FAT3: variants seen among roughly 807,000 people sequenced by gnomAD.
FAT3 encodes protocadherin Fat 3.
A neutral mutation model predicts 310.2 loss-of-function variants in FAT3; 95 were observed. The ratio of observed to expected loss-of-function variants is 0.31; its 90% CI spans 0.26 to 0.36. The LOEUF (loss-of-function observed/expected upper bound fraction) is 0.36. FAT3 is among the 10% of genes least tolerant of loss of function. The pLI is 1.00. For missense variants in FAT3, 5,408 were observed against 5,715.6 expected, an observed-to-expected ratio of 0.95 and a Z score of 1.74; for synonymous variants, 2,314 against 2,192.9, an observed-to-expected ratio of 1.06 and a Z score of -1.54.
intron 2 of FAT3, among the ~76,000 whole-genome samples, chr11:92,417,859 T>G (rs893999393): frequency 6.6e-6 from 1 of 152,208 alleles, no homozygotes; most frequent in African/African-American, 2.4e-5. Context: ...CTCCAAGTGA[T>G]GGTTGTCCTT....
At chr11:92,291,712 A>G (rs1688157437) in intron 1 of FAT3, among the ~76,000 whole-genome samples, 1 of 152,150 alleles carries the variant, frequency 6.6e-6, no homozygotes, top group African/African-American at 2.4e-5. Flanking sequence ...TTTCAGAGCT[A>G]GACTGGATTT....
At chr11:92,857,878 T>C (rs1277301813) in intron 20 of FAT3, among the ~76,000 whole-genome samples, 1 of 151,840 alleles carries the variant, frequency 6.6e-6, no homozygotes, top group Non-Finnish European at 1.5e-5. Flanking sequence ...CTCTGCATCT[T>C]AAGGAAAAAA....
chr11:92,812,705 C>T (rs1367644108), intron 13 of FAT3, among the ~76,000 whole-genome samples: 1 of 152,112 alleles, frequency 6.6e-6, no homozygotes, highest in East Asian at 1.9e-4. Context: ...CAACAGCACT[C>T]AGAAGGCCCT....
At chr11:92,560,532 CCT>C (rs988364080) in intron 3 of FAT3, among the ~76,000 whole-genome samples, 2 of 151,950 alleles carry the variant, frequency 1.3e-5, no homozygotes, top group Non-Finnish European at 2.9e-5. Context: ...AAAATTTACC[CCT>C]GTGTTTTCCT....
intron 3 of FAT3, among the ~76,000 whole-genome samples, chr11:92,601,581 A>T (rs1419661072): frequency 6.6e-6 from 1 of 152,064 alleles, no homozygotes; most frequent in African/African-American, 2.4e-5. Flanking sequence ...TGGATGACCG[A>T]GTAAGACTGT....
chr11:92,269,908 T>A (rs2134332078), intron 1 of FAT3, among the ~76,000 whole-genome samples: 1 of 152,260 alleles, frequency 6.6e-6, no homozygotes, highest in African/African-American at 2.4e-5. Flanking sequence ...CACCCCAAAA[T>A]TCATTTTCTT....
At chr11:92,645,289 C>A (rs1942108186) in intron 3 of FAT3, among the ~76,000 whole-genome samples, 1 of 152,178 alleles carries the variant, frequency 6.6e-6, no homozygotes. Context: ...ATACAAAAGA[C>A]CATCTGGTCC....
At chr11:92,373,814 A>G (rs1221412252) in intron 2 of FAT3, among the ~76,000 whole-genome samples, 4 of 151,106 alleles carry the variant, frequency 2.6e-5, no homozygotes, top group Non-Finnish European at 5.9e-5. Context: ...ACACACAGAG[A>G]CATAGATAGA....
In FAT3 at chr11:92,883,143, G is replaced by A. The variant is rs922496049; in HGVS notation, c.12687G>A (p.Gln4229=). 6.2e-7 allele frequency: 1 copy of A among 1,613,596 alleles called. No individual in the cohort carries two copies. Reference sequence around the variant, plus strand: ...TCTACCAGGAGGTGGGGCCCCCGCAGGTCCCCGTGCGCCCCATGGCCTACA... The same window carrying A: ...TCTACCAGGAGGTGGGGCCCCCGCAAGTCCCCGTGCGCCCCATGGCCTACA... ...RNVYQEVGPP[Q]VPVRPMAYTP... The change falls in exon 24 of 28, where the codon CAG becomes CAA. Residue 4229 remains glutamine (Q), a synonymous_variant. Transcript: ENST00000525166. This position sits in a 1 kb window ranked among gnomAD's most constrained non-coding sequence, Gnocchi z 4.2.
At chr11:92,765,860 C>T (rs1378486179) in intron 6 of FAT3, among the ~76,000 whole-genome samples, 1 of 151,068 alleles carries the variant, frequency 6.6e-6, no homozygotes, top group African/African-American at 2.4e-5. Context: ...TTGTTTTTAT[C>T]TTTTTGTAGG....
chr11:92,655,207 AAATGAATGAATG>A (rs138538905), intron 3 of FAT3, among the ~76,000 whole-genome samples: 1 of 151,814 alleles, frequency 6.6e-6, no homozygotes, highest in Non-Finnish European at 1.5e-5. Flanking sequence ...TAGGATAGGT[AAATGAATGAATG>A]AATGAATGAA....
chr11:92,460,375 A>G (rs969531197), intron 2 of FAT3, among the ~76,000 whole-genome samples: 1 of 152,150 alleles, frequency 6.6e-6, no homozygotes, highest in Non-Finnish European at 1.5e-5. Flanking sequence ...CTGCATTGCC[A>G]TGTTCTGCAC....
chr11:92,812,558 G>C (rs1400105791), intron 13 of FAT3, among the ~76,000 whole-genome samples: 1 of 151,026 alleles, frequency 6.6e-6, no homozygotes, highest in Non-Finnish European at 1.5e-5. Flanking sequence ...CTCCAGCCTG[G>C]GCAACAGAGC....
intron 2 of FAT3, among the ~76,000 whole-genome samples, chr11:92,490,497 T>C (rs776831246): frequency 6.6e-6 from 1 of 152,098 alleles, no homozygotes; most frequent in Non-Finnish European, 1.5e-5. Flanking sequence ...AAAAACATTG[T>C]GTATGAAAGG....
At chr11:92,826,080 A>G (rs181444867) in intron 13 of FAT3, among the ~76,000 whole-genome samples, 21 of 152,274 alleles carry the variant, frequency 1.4e-4, no homozygotes, top group African/African-American at 4.1e-4. Context: ...GTCAATGCCT[A>G]GAGTAGTCAA....
chr11:92,546,730 G>T (rs1271693046), intron 3 of FAT3, among the ~76,000 whole-genome samples: 3 of 152,128 alleles, frequency 2.0e-5, no homozygotes, highest in African/African-American at 7.2e-5. Flanking sequence ...CTCTTTTAGT[G>T]GGTGGGGAAC....
chr11:92,635,943 T>TTTTTG lies in FAT3; in HGVS notation c.3608-61416_3608-61412dup, dbSNP rs541177357. Among the ~76,000 whole-genome samples the TTTTTG allele has an allele frequency of 3.7e-4, 56 of 152,120 alleles. 1 individual carries two copies. In the South Asian group the frequency reaches 4.2e-3, roughly 11 times the overall value. ...GTAAGCAGTTCCTACAAGGTCTTCT[T>TTTTTG]TTTTGTTTTGTTTTGTTTTGTTTTG... is the stretch of plus-strand genomic sequence containing the variant. On this transcript the variant is annotated intron_variant, in intron 3 of 27. Transcript: ENST00000525166.
At chr11:92,349,955 G>C (rs184275823) in intron 1 of FAT3, among the ~76,000 whole-genome samples, 4 of 150,516 alleles carry the variant, frequency 2.7e-5, no homozygotes, top group Non-Finnish European at 5.9e-5. Flanking sequence ...TTCACTTCAG[G>C]AGAGTCTCCT....
chr11:92,591,950 A>G (rs1565439471), intron 3 of FAT3, among the ~76,000 whole-genome samples: 1 of 152,356 alleles, frequency 6.6e-6, no homozygotes, highest in Admixed American at 6.5e-5. Flanking sequence ...CATAGTGGAT[A>G]CATGACTTTG....
Sources: allele counts gnomAD v4.1 joint callset (sites outside exome capture counted in the v4.1 genomes callset), GRCh38; gene constraint gnomAD v4.1.1; non-coding constraint Gnocchi (gnomAD v3.1); transcripts MANE v1.5; gene names NCBI Gene and HGNC (gene_info 2026-07-23, HGNC 2026-07-21).